AXIN1: variants seen among roughly 807,000 people sequenced by gnomAD.
AXIN1 encodes axin-1.
A neutral mutation model predicts 76.4 loss-of-function variants in AXIN1; 30 were observed. That is an observed-to-expected ratio of 0.39 (90% CI 0.29 to 0.53). The LOEUF (loss-of-function observed/expected upper bound fraction) is 0.53. Ranked by LOEUF, AXIN1 falls within the 20% of genes least tolerant of loss-of-function variation. The pLI, the probability that AXIN1 is intolerant of heterozygous loss-of-function variation, is 0.66. For missense variants in AXIN1, 1,140 were observed against 1,198.8 expected, an observed-to-expected ratio of 0.95 and a Z score of 0.72; for synonymous variants, 545 against 501.4, an observed-to-expected ratio of 1.09 and a Z score of -1.16.
At chr16:338,646 G>A (rs555886656) in intron 2 of AXIN1, among the ~76,000 whole-genome samples, 70 of 152,368 alleles carry the variant, frequency 4.6e-4, no homozygotes, top group African/African-American at 1.5e-3. Flanking sequence ...AGATGGACTG[G>A]GCACAGTGGC....
chr16:322,384 G>A lies in AXIN1; in HGVS notation c.879-7701C>T, dbSNP rs188470240. On this transcript the variant is annotated intron_variant, in intron 2 of 10. Coordinates refer to ENST00000262320, the MANE Select transcript of AXIN1 (RefSeq NM_003502.4). Reference sequence around the variant, plus strand: ...TCAACCCATCACCCTGTACCTGCCCGCAGTGGAGTGTGCACCTGTGCTCAG... The same window carrying A: ...TCAACCCATCACCCTGTACCTGCCCACAGTGGAGTGTGCACCTGTGCTCAG... 1.9e-3 allele frequency among the ~76,000 whole-genome samples: 292 copies of A among 152,324 alleles called. 11 individuals are homozygous for A. The South Asian group carries it at 0.057, about 30-fold the overall frequency.
At chr16:344,279 A>C (rs558315936) in intron 2 of AXIN1, among the ~76,000 whole-genome samples, 1 of 151,466 alleles carries the variant, frequency 6.6e-6, no homozygotes, top group Non-Finnish European at 1.5e-5. Flanking sequence ...AAAATACAAA[A>C]AATTGGCCGG....
chr16:324,715 C>T (rs2053540614), intron 2 of AXIN1, among the ~76,000 whole-genome samples: 3 of 152,208 alleles, frequency 2.0e-5, no homozygotes, highest in Non-Finnish European at 2.9e-5. Context: ...CCCAGGTGAG[C>T]GGTCCAATCC....
chr16:290,887 T>G, intron 9 of AXIN1: 1 of 487,806 alleles, frequency 2.0e-6, no homozygotes, highest in Non-Finnish European at 3.8e-6. Flanking sequence ...GGCAGGTCTC[T>G]GCCCCACAGG....
At position 288,016 on chromosome 16, in the gene AXIN1, C is replaced by T. The variant is rs957341964; in HGVS notation, c.*106G>A. 6.3e-7 allele frequency: 1 copy of T among 1,578,246 alleles called. No homozygotes were observed. Among genetic ancestry groups the T allele is most frequent in the African/African-American group, 1.3e-5 (1 of 74,482 alleles). On this transcript the variant is annotated 3_prime_UTR_variant, in exon 11 of 11. Transcript: ENST00000262320. ...AGACCACAGGGATGGGTGGTACACC[C>T]AACACTGTTCCCCATCGGGCTCCTG...
rs2141468278 is a variant in AXIN1 at position 289,536 on chromosome 16, A to T, written c.2366T>A (p.Phe789Tyr). ...PCDSIVVAYY[F>Y]CGEPIPYRTL... ...GCGGTAGGGGATGGGTTCCCCGCAGAAGTAGTACGCCACAACGATGCTGTC... is the reference window on the plus strand; with the variant it reads ...GCGGTAGGGGATGGGTTCCCCGCAGTAGTAGTACGCCACAACGATGCTGTC... The change falls in exon 10 of 11, where the codon TTC becomes TAC. Residue 789 changes from phenylalanine (F) to tyrosine (Y), a missense_variant. This residue lies in a region of AXIN1 where 429 missense variants were observed against 405.8 expected (regional missense o/e 1.06). Coordinates refer to ENST00000262320, the MANE Select transcript of AXIN1 (RefSeq NM_003502.4). 4 of 1,612,986 alleles carry T rather than the reference A, an allele frequency of 2.5e-6. No homozygotes were observed. The highest frequency in any genetic ancestry group is 3.4e-6 in the Non-Finnish European group (4 of 1,180,010).
In AXIN1 at chr16:287,985, A is replaced by C. The variant is rs894203318; in HGVS notation, c.*137T>G. 4.8e-6 allele frequency: 7 copies of C among 1,457,794 alleles called. No homozygotes were observed. In the African/African-American group the frequency reaches 9.7e-5, roughly 20 times the overall value. 90.3% of individuals were successfully genotyped at this position (1,457,794 alleles called of 1,614,324 possible). ...AGGGACCCCCTACCTGCCTCTAGAC[A>C]CGGGTAGACCACAGGGATGGGTGGT... On this transcript the variant is annotated 3_prime_UTR_variant, in exon 11 of 11. Coordinates refer to ENST00000262320, the MANE Select transcript of AXIN1 (RefSeq NM_003502.4).
At chr16:342,000 A>C (rs933915358) in intron 2 of AXIN1, among the ~76,000 whole-genome samples, 1 of 152,190 alleles carries the variant, frequency 6.6e-6, no homozygotes, top group Non-Finnish European at 1.5e-5. Flanking sequence ...AAAACAGACC[A>C]CTGGACTCTA....
chr16:347,310 A>G (rs890607049), intron 1 of AXIN1, among the ~76,000 whole-genome samples: 5 of 152,236 alleles, frequency 3.3e-5, no homozygotes, highest in African/African-American at 1.2e-4. Context: ...TTACAACTAC[A>G]GGAATGCCTC....
At position 293,381 on chromosome 16, in the gene AXIN1, A is replaced by C. The variant is rs2052621840; in HGVS notation, c.2186+107T>G. On this transcript the variant is annotated intron_variant, in intron 8 of 10. Transcript: ENST00000262320. This position sits in a 1 kb window ranked among gnomAD's most constrained non-coding sequence, Gnocchi z 4.6. ...GGCCCAGTATGGCTGGGGGACACCC[A>C]GAGGGCCGTTTTTCCCCTGAAGACC... is the stretch of plus-strand genomic sequence containing the variant. 1.8e-6 allele frequency: 2 copies of C among 1,142,368 alleles called. No homozygotes were observed. Among genetic ancestry groups the C allele is most frequent in the Non-Finnish European group, 2.5e-6 (2 of 795,448 alleles). The allele number at this position is 1,142,368 out of a possible 1,614,324, so 70.8% of individuals were successfully genotyped here. A position where few individuals can be genotyped will look rare whatever the true frequency, so the allele number is the denominator to read the frequency against.
At chr16:311,641 A>G (rs1016196268) in intron 3 of AXIN1, among the ~76,000 whole-genome samples, 5 of 151,860 alleles carry the variant, frequency 3.3e-5, no homozygotes, top group Admixed American at 6.6e-5. Context: ...TGTGGTGGCG[A>G]GTGCCTGTAG....
intron 2 of AXIN1, among the ~76,000 whole-genome samples, chr16:326,394 T>TATATATACACAC (rs144093618): frequency 5.4e-4 from 65 of 119,644 alleles, no homozygotes; most frequent in Admixed American, 1.2e-3. Context: ...TATATATATA[T>TATATATACACAC]ACACACCTAT....
At chr16:313,470 T>A (rs931011211) in intron 3 of AXIN1, among the ~76,000 whole-genome samples, 1 of 152,224 alleles carries the variant, frequency 6.6e-6, no homozygotes, top group Admixed American at 6.5e-5. Flanking sequence ...GGGAAAGACA[T>A]CTGGGACACC....
At chr16:320,743 A>ATATATTTTT (rs397722732) in intron 2 of AXIN1, among the ~76,000 whole-genome samples, 1,307 of 107,370 alleles carry the variant, frequency 0.012, 53 homozygotes, top group African/African-American at 0.048. Context: ...ATATATATAT[A>ATATATTTTT]TTTTTTTTTT....
At chr16:342,499 C>T (rs1194411271) in intron 2 of AXIN1, among the ~76,000 whole-genome samples, 1 of 152,202 alleles carries the variant, frequency 6.6e-6, no homozygotes, top group Non-Finnish European at 1.5e-5. Context: ...GTTCAGTACC[C>T]ACTCTCCTTT....
At chr16:345,629 G>A (rs370426166) in intron 2 of AXIN1, among the ~76,000 whole-genome samples, 14 of 151,848 alleles carry the variant, frequency 9.2e-5, no homozygotes, top group Non-Finnish European at 1.9e-4. Flanking sequence ...CAGGAGAATC[G>A]CTCAAACCCG....
rs1044085787 is a variant in AXIN1 at position 296,190 on chromosome 16, G to A, written c.1955+866C>T. Among the ~76,000 whole-genome samples the A allele has an allele frequency of 4.6e-5, 7 of 152,264 alleles. No individual in the cohort carries two copies. The South Asian group carries it at 8.3e-4, about 18-fold the overall frequency. On this transcript the variant is annotated intron_variant, in intron 7 of 10. Transcript: ENST00000262320. ...GCCCGTCCCCACCTCAGTCAGCACC[G>A]ATGGGGACCCCAAGGCCTTGCGGGA...
At chr16:299,074 A>G (rs1368892023) in intron 5 of AXIN1, 1 of 985,210 alleles carries the variant, frequency 1.0e-6, no homozygotes, top group Non-Finnish European at 1.2e-6. Context: ...GCCTCCCATT[A>G]TATTTTAAGG....
At chr16:308,113 G>T (rs1474181872) in intron 4 of AXIN1, among the ~76,000 whole-genome samples, 1 of 152,310 alleles carries the variant, frequency 6.6e-6, no homozygotes, top group East Asian at 1.9e-4. Flanking sequence ...AGGGCCCTCT[G>T]GGGGTGCGGA....
Sources: allele counts gnomAD v4.1 joint callset (sites outside exome capture counted in the v4.1 genomes callset), GRCh38; gene constraint gnomAD v4.1.1; regional missense constraint gnomAD v4.1.1; non-coding constraint Gnocchi (gnomAD v3.1); transcripts MANE v1.5; gene names NCBI Gene and HGNC (gene_info 2026-07-23, HGNC 2026-07-21).